The following MKLN1 variants were observed in gnomAD, a reference collection of about 807,000 sequenced individuals.
MKLN1 encodes the protein muskelin 1.
Under a neutral mutation model 99.0 loss-of-function variants are expected in MKLN1, and 18 were observed. That is an observed-to-expected ratio of 0.18 (90% CI 0.13 to 0.27). The LOEUF (loss-of-function observed/expected upper bound fraction) is 0.27, where lower values mean the gene tolerates loss of function less well. Ranked by LOEUF, MKLN1 falls within the 10% of genes least tolerant of loss-of-function variation. The probability of loss-of-function intolerance (pLI) is 1.00; values close to 1 mark genes in which losing one functional copy is unlikely to be tolerated. For synonymous variants in MKLN1, 288 were observed against 293.2 expected (o/e 0.98, Z 0.18); for missense variants, 621 against 875.9 (o/e 0.71, Z 3.67).
At chr7:131,264,058 G>A (rs951431964) in intron 3 of MKLN1, among the ~76,000 whole-genome samples, 1 of 152,102 alleles carries the variant, frequency 6.6e-6, no homozygotes, top group South Asian at 2.1e-4. Context: ...GTTCCATCAG[G>A]GCAAAAATTT....
chr7:131,198,297 G>T (rs1796678364), intron 2 of MKLN1, among the ~76,000 whole-genome samples: 1 of 152,168 alleles, frequency 6.6e-6, no homozygotes, highest in African/African-American at 2.4e-5. Context: ...CTATATTCCA[G>T]CATGTACAAA....
intron 3 of MKLN1, among the ~76,000 whole-genome samples, chr7:131,216,287 G>A (rs1377042058): frequency 6.6e-6 from 1 of 151,734 alleles, no homozygotes; most frequent in African/African-American, 2.4e-5. Flanking sequence ...GGAGTGCGTG[G>A]TGGCGCACTC....
chr7:131,173,037 ATG>A (rs1796239475), intron 2 of MKLN1, among the ~76,000 whole-genome samples: 1 of 152,294 alleles, frequency 6.6e-6, no homozygotes, highest in African/African-American at 2.4e-5. Flanking sequence ...ATTAGTGAAT[ATG>A]TGTTTTCCTT....
chr7:131,410,982 G>A (rs537481861), intron 6 of MKLN1, among the ~76,000 whole-genome samples: 2 of 152,112 alleles, frequency 1.3e-5, no homozygotes, highest in African/African-American at 4.8e-5. Context: ...CTAACCCTCT[G>A]ATAATGTCAC....
chr7:131,295,653 G>A (rs1466099038), intron 3 of MKLN1, among the ~76,000 whole-genome samples: 2 of 152,110 alleles, frequency 1.3e-5, no homozygotes, highest in African/African-American at 4.8e-5. Flanking sequence ...TGGGGCCAAG[G>A]TGGGAAGATC....
chr7:131,123,613 C>T (rs1054816167), intron 1 of MKLN1, among the ~76,000 whole-genome samples: 2 of 152,066 alleles, frequency 1.3e-5, no homozygotes, highest in African/African-American at 2.4e-5. Flanking sequence ...CATGGTGAAA[C>T]CCTGTCTCTA....
chr7:131,300,041 TTAA>T (rs1021376348), intron 3 of MKLN1, among the ~76,000 whole-genome samples: 8 of 151,970 alleles, frequency 5.3e-5, no homozygotes, highest in Non-Finnish European at 1.0e-4. Flanking sequence ...GAGAAAAGGG[TTAA>T]TAATTATAAC....
intron 1 of MKLN1, among the ~76,000 whole-genome samples, chr7:131,329,252 G>A (rs532988864): frequency 2.0e-5 from 3 of 152,300 alleles, no homozygotes; most frequent in African/African-American, 7.2e-5. Flanking sequence ...ATGACTGCCA[G>A]CCTCCCATTT....
At chr7:131,259,482 T>C (rs1300162920) in intron 3 of MKLN1, among the ~76,000 whole-genome samples, 2 of 152,214 alleles carry the variant, frequency 1.3e-5, no homozygotes, top group Non-Finnish European at 2.9e-5. Context: ...TATCTATCTA[T>C]CTGTAGATAT....
At chr7:131,150,746 TTC>T (rs1307991991) in intron 2 of MKLN1, among the ~76,000 whole-genome samples, 5 of 152,062 alleles carry the variant, frequency 3.3e-5, no homozygotes, top group Admixed American at 2.6e-4. Flanking sequence ...TACCCATGAT[TTC>T]TCTTTAAAGT....
intron 1 of MKLN1, among the ~76,000 whole-genome samples, chr7:131,139,343 G>C (rs6967518): frequency 5.7e-4 from 85 of 150,144 alleles, no homozygotes; most frequent in Admixed American, 1.5e-3. Flanking sequence ...GACTCCCCCC[G>C]TCCCTCCCCT....
chr7:131,382,846 C>T lies in MKLN1; in HGVS notation c.169-4274C>T, dbSNP rs1367996997. 2.6e-5 allele frequency among the ~76,000 whole-genome samples: 4 copies of T among 151,932 alleles called. No individual in the cohort carries two copies. The South Asian group carries it at 6.2e-4, about 24-fold the overall frequency. On this transcript the variant is annotated intron_variant, in intron 2 of 17. Coordinates refer to ENST00000352689, the MANE Select transcript of MKLN1 (RefSeq NM_013255.5). The stretch of plus-strand genomic sequence containing the variant: ...TCATGCCATTCTCCTGTCTCAGCCT[C>T]CCGAGTAGCTGGGACTACAGGTGCC...
intron 3 of MKLN1, among the ~76,000 whole-genome samples, chr7:131,259,069 T>A (rs975223926): frequency 2.6e-5 from 4 of 152,188 alleles, no homozygotes; most frequent in African/African-American, 9.7e-5. Context: ...TGGCTTTGGG[T>A]TGAAACTTCT....
chr7:131,398,787 T>C (rs78153329), intron 5 of MKLN1, among the ~76,000 whole-genome samples: 4,720 of 152,300 alleles, frequency 0.031, 228 homozygotes, highest in African/African-American at 0.11. Context: ...GTATACTTGA[T>C]ACTTGTCATT....
chr7:131,325,333 T>C (rs1798862746), upstream of MKLN1, among the ~76,000 whole-genome samples: 3 of 152,062 alleles, frequency 2.0e-5, no homozygotes, highest in South Asian at 6.2e-4. Context: ...ACCTATCCTG[T>C]GTTAGCTTGC....
chr7:131,239,643 T>A (rs1348773439), intron 3 of MKLN1, among the ~76,000 whole-genome samples: 1 of 152,064 alleles, frequency 6.6e-6, no homozygotes, highest in Non-Finnish European at 1.5e-5. Flanking sequence ...CAGAAAGGAA[T>A]TTTGAAGTTT....
At chr7:131,214,396 G>A (rs1435386123) in intron 3 of MKLN1, among the ~76,000 whole-genome samples, 3 of 152,148 alleles carry the variant, frequency 2.0e-5, no homozygotes, top group Non-Finnish European at 4.4e-5. Flanking sequence ...ACTGAAAAAA[G>A]TACATGAGAA....
rs766412340 is a variant in MKLN1 at position 131,463,263 on chromosome 7, G to A, written c.1572G>A (p.Leu524=). Residue 524 remains leucine, a synonymous_variant, in exon 13 of 18, where the codon CTG becomes CTA. Transcript: ENST00000352689. ...FTQRATIDPE[L]NEIHVLSGLS... is the part of the protein sequence containing the mutation. The stretch of plus-strand genomic sequence containing the variant: ...AGAGAGCAACTATTGATCCAGAACT[G>A]AATGAAATACACGTCTTATCTGGAC... The A allele has an allele frequency of 1.9e-5, 31 of 1,612,258 alleles. No individual in the cohort carries two copies. In the South Asian group the frequency reaches 3.0e-4, roughly 15 times the overall value.
intron 1 of MKLN1, among the ~76,000 whole-genome samples, chr7:131,132,925 CAAAAAAAAAA>C (rs1200356947): frequency 2.3e-5 from 2 of 87,126 alleles, no homozygotes; most frequent in Non-Finnish European, 4.1e-5. Context: ...GACTCTGTCT[CAAAAAAAAAA>C]AAAAAAAAAA....
Sources: gnomAD v4.1 joint callset for allele counts (sites outside exome capture counted in the v4.1 genomes callset) on GRCh38, gnomAD v4.1.1 for gene constraint, MANE v1.5 for transcripts, NCBI Gene and HGNC (gene_info 2026-07-23, HGNC 2026-07-21) for gene names.